RCAN2: variants seen among roughly 807,000 people sequenced by gnomAD.
RCAN2 encodes the protein regulator of calcineurin 2, also known as calcipressin-2.
A neutral mutation model predicts 23.6 loss-of-function variants in RCAN2; 9 were observed. The observed-to-expected ratio is 0.38, with a 90% CI of 0.23 to 0.67. The LOEUF is 0.67. RCAN2 is among the 30% of genes least tolerant of loss of function. The pLI, the probability that RCAN2 is intolerant of heterozygous loss-of-function variation, is 0.51. For synonymous variants in RCAN2, 109 were observed against 115.7 expected, an observed-to-expected ratio of 0.94 and a Z score of 0.37; for missense variants, 273 against 302.3, an observed-to-expected ratio of 0.90 and a Z score of 0.72.
chr6:46,410,992 C>T (rs1381840724), intron 2 of RCAN2, among the ~76,000 whole-genome samples: 9 of 152,180 alleles, frequency 5.9e-5, no homozygotes. Context: ...CCCATTTCTT[C>T]ACCATGTGAC....
chr6:46,311,989 T>G (rs2150357022), intron 2 of RCAN2, among the ~76,000 whole-genome samples: 1 of 152,324 alleles, frequency 6.6e-6, no homozygotes, highest in Admixed American at 6.5e-5. Context: ...CAGTTGAATC[T>G]GAGAGGAAGT....
chr6:46,274,546 C>T (rs1357836458), intron 2 of RCAN2, among the ~76,000 whole-genome samples: 1 of 152,142 alleles, frequency 6.6e-6, no homozygotes, highest in Admixed American at 6.5e-5. Context: ...TCCCCCCGCC[C>T]CATCTTGGTC....
At chr6:46,405,368 C>A (rs987333995) in intron 2 of RCAN2, among the ~76,000 whole-genome samples, 2 of 152,170 alleles carry the variant, frequency 1.3e-5, no homozygotes, top group East Asian at 3.9e-4. Context: ...CCACTGCTGG[C>A]TTGGGCAGCC....
intron 2 of RCAN2, among the ~76,000 whole-genome samples, chr6:46,455,689 T>C (rs1273652702): frequency 1.3e-5 from 2 of 151,750 alleles, no homozygotes; most frequent in Non-Finnish European, 2.9e-5. Flanking sequence ...ACCCCATCTC[T>C]ACTAAAAATA....
chr6:46,284,833 A>G (rs1762318571), intron 2 of RCAN2, among the ~76,000 whole-genome samples: 1 of 152,198 alleles, frequency 6.6e-6, no homozygotes, highest in South Asian at 2.1e-4. Context: ...AAAGCAGTAT[A>G]TTACTGCAAT....
At chr6:46,483,767 G>A (rs1188596536) in intron 1 of RCAN2, among the ~76,000 whole-genome samples, 1 of 152,196 alleles carries the variant, frequency 6.6e-6, no homozygotes, top group Non-Finnish European at 1.5e-5. Context: ...TGACCAAAAT[G>A]TGACACTTTT....
rs1442653417 is a variant in RCAN2, at chr6:46,222,196, A to G, written c.*945T>C. Reference sequence around the variant, plus strand: ...ATATTATCAGAGTATCTGTATTAGTATATGAAGGCATTCATAAGCAATGCA... The same window carrying G: ...ATATTATCAGAGTATCTGTATTAGTGTATGAAGGCATTCATAAGCAATGCA... On this transcript the variant is annotated 3_prime_UTR_variant, in exon 5 of 5. Transcript: ENST00000371374. 1 of 388,968 alleles carries G rather than the reference A, an allele frequency of 2.6e-6. No individual in the cohort carries two copies. 24.1% of individuals were successfully genotyped at this position (388,968 alleles called of 1,614,324 possible).
At chr6:46,420,333 A>G (rs1766846327) in intron 2 of RCAN2, among the ~76,000 whole-genome samples, 1 of 152,116 alleles carries the variant, frequency 6.6e-6, no homozygotes, top group Non-Finnish European at 1.5e-5. Context: ...AAGGGGAGCT[A>G]TTTGCAAGGA....
intron 2 of RCAN2, among the ~76,000 whole-genome samples, chr6:46,410,562 G>A (rs1478847010): frequency 1.3e-5 from 2 of 152,156 alleles, no homozygotes; most frequent in African/African-American, 4.8e-5. Flanking sequence ...AGGCATGTCT[G>A]AGAAATAATT....
At chr6:46,403,744 G>T (rs992511521) in intron 2 of RCAN2, among the ~76,000 whole-genome samples, 1 of 152,090 alleles carries the variant, frequency 6.6e-6, no homozygotes, top group Non-Finnish European at 1.5e-5. Flanking sequence ...TGCTCCTGCT[G>T]TTTAAAATAA....
rs145618887 is a variant in RCAN2 at position 46,401,056 on chromosome 6, T to G, written c.225+55696A>C. Among the ~76,000 whole-genome samples, 575 of 152,252 alleles carry G rather than the reference T, an allele frequency of 3.8e-3. 3 individuals are homozygous for G. The highest frequency in any genetic ancestry group is 0.013 in the African/African-American group (533 of 41,542). On this transcript the variant is annotated intron_variant, in intron 2 of 4. Transcript: ENST00000371374. Reference sequence around the variant, plus strand: ...CATTAAATTCTAAGAACCACCAGCCTAGTATAATCAAGAAGGTACAAAGTA... The same window carrying G: ...CATTAAATTCTAAGAACCACCAGCCGAGTATAATCAAGAAGGTACAAAGTA...
rs6921739 is a variant in RCAN2 at position 46,230,578 on chromosome 6, G to T, written c.572-7277C>A. 4.1e-3 allele frequency among the ~76,000 whole-genome samples: 620 copies of T among 152,318 alleles called. 2 individuals are homozygous for T. Among genetic ancestry groups the T allele is most frequent in the African/African-American group, 0.014 (577 of 41,576 alleles). On this transcript the variant is annotated intron_variant, in intron 4 of 4. Transcript: ENST00000371374. ...CATGGGCATGGCACCCTCCAAGCCA[G>T]GCACAGGATATAATCTCCTGGTGTG...
At chr6:46,328,275 C>G (rs536323456) in intron 2 of RCAN2, among the ~76,000 whole-genome samples, 1 of 152,028 alleles carries the variant, frequency 6.6e-6, no homozygotes, top group Non-Finnish European at 1.5e-5. Context: ...TTTAAAATAT[C>G]TTTTCAAGGA....
chr6:46,223,449 A>G, intron 4 of RCAN2, 148 bp from the exon 5 acceptor site: 5 of 698,738 alleles, frequency 7.2e-6, no homozygotes, highest in Non-Finnish European at 1.2e-5. Context: ...GGTGTTGGCA[A>G]GTGGAAAGAG....
At chr6:46,488,168 C>A (rs1172516172) in intron 1 of RCAN2, among the ~76,000 whole-genome samples, 5 of 152,226 alleles carry the variant, frequency 3.3e-5, no homozygotes, top group Non-Finnish European at 5.9e-5. Flanking sequence ...TATTTTAATG[C>A]TATTAATTCA....
At chr6:46,427,625 A>G (rs1410670801) in intron 2 of RCAN2, among the ~76,000 whole-genome samples, 1 of 152,212 alleles carries the variant, frequency 6.6e-6, no homozygotes, top group East Asian at 1.9e-4. Flanking sequence ...TTAATACACT[A>G]ATGAACATTC....
intron 2 of RCAN2, among the ~76,000 whole-genome samples, chr6:46,333,681 G>C (rs984628196): frequency 6.6e-6 from 1 of 152,158 alleles, no homozygotes; most frequent in Non-Finnish European, 1.5e-5. Flanking sequence ...GAATGCATTG[G>C]ACATTTTCCC....
At chr6:46,359,318 T>C (rs901144091) in intron 2 of RCAN2, among the ~76,000 whole-genome samples, 7 of 152,196 alleles carry the variant, frequency 4.6e-5, no homozygotes, top group Non-Finnish European at 8.8e-5. Context: ...GCCCCACAGC[T>C]TTTCGACAGT....
chr6:46,448,390 A>G (rs546675574), intron 2 of RCAN2, among the ~76,000 whole-genome samples: 5 of 151,968 alleles, frequency 3.3e-5, no homozygotes, highest in African/African-American at 9.6e-5. Flanking sequence ...TTATTGCTGA[A>G]TTTTAACAAA....
Sources: gnomAD v4.1 joint callset for allele counts (sites outside exome capture counted in the v4.1 genomes callset) on GRCh38, gnomAD v4.1.1 for gene constraint, MANE v1.5 for transcripts, NCBI Gene and HGNC (gene_info 2026-07-23, HGNC 2026-07-21) for gene names.